The following MLLT1 variants were observed in gnomAD, a reference collection of about 807,000 sequenced individuals.
MLLT1 encodes the protein MLLT1 super elongation complex subunit.
In MLLT1, 11 loss-of-function variants were observed where a neutral mutation model predicts 55.1. That is an observed-to-expected ratio of 0.20 (90% CI 0.13 to 0.33). MLLT1 has a LOEUF of 0.33. MLLT1 is among the 10% of genes least tolerant of loss of function. The probability of loss-of-function intolerance (pLI) is 1.00; values close to 1 mark genes in which losing one functional copy is unlikely to be tolerated. For missense variants in MLLT1, 536 were observed against 760.6 expected, an observed-to-expected ratio of 0.70 and a Z score of 3.47; for synonymous variants, 323 against 320.1, an observed-to-expected ratio of 1.01 and a Z score of -0.10.
At chr19:6,259,820 A>AAAAAAAAAAAC (rs2091288581) in intron 3 of MLLT1, 1 of 150,612 alleles carries the variant, frequency 6.6e-6, no homozygotes, top group Non-Finnish European at 1.5e-5. Context: ...AAAAAAAAAA[A>AAAAAAAAAAAC]CAGAAAAACT....
At chr19:6,245,183 A>T (rs555626688) in intron 3 of MLLT1, among the ~76,000 whole-genome samples, 60 of 151,894 alleles carry the variant, frequency 4.0e-4, no homozygotes, top group Admixed American at 5.2e-4. Context: ...ACAAAAAAAA[A>T]TTTTTTTAAA....
intron 2 of MLLT1, among the ~76,000 whole-genome samples, chr19:6,268,392 AAAT>A (rs931915762): frequency 1.9e-4 from 26 of 137,894 alleles, no homozygotes; most frequent in Admixed American, 2.1e-4. Flanking sequence ...AAAAATCAAG[AAAT>A]AAGAAGCAAA....
chr19:6,214,981 T>G (rs978777813), intron 8 of MLLT1, among the ~76,000 whole-genome samples: 2 of 152,034 alleles, frequency 1.3e-5, no homozygotes, highest in Non-Finnish European at 2.9e-5. Context: ...GCCTCCCGGC[T>G]CTGGCAGCTC....
rs903181286 is a variant in MLLT1, at chr19:6,240,706, A to G, written c.277-9993T>C. 3.3e-5 allele frequency among the ~76,000 whole-genome samples: 5 copies of G among 152,092 alleles called. No individual in the cohort carries two copies. The highest frequency in any genetic ancestry group is 7.4e-5 in the Non-Finnish European group (5 of 68,000). On this transcript the variant is annotated intron_variant, in intron 3 of 11. Coordinates refer to ENST00000252674, the MANE Select transcript of MLLT1 (RefSeq NM_005934.4). The surrounding 1 kb of genome is among the most constrained non-coding windows in gnomAD (Gnocchi z 4.7). ...CAGGGAGAGACTGGACCCCACACTC[A>G]GCTACGAACCTCCCGAGACAGCAGG...
At chr19:6,271,185 T>A (rs934737879) in intron 1 of MLLT1, among the ~76,000 whole-genome samples, 2 of 151,986 alleles carry the variant, frequency 1.3e-5, no homozygotes, top group African/African-American at 2.4e-5. Context: ...TCCAAAAGCA[T>A]CCACCACCGC....
At chr19:6,263,548 C>T (rs2091322552) in intron 2 of MLLT1, 1 of 152,384 alleles carries the variant, frequency 6.6e-6, no homozygotes, top group African/African-American at 2.4e-5. Context: ...GTGACGGGTA[C>T]TCCAAGCCTG....
Position 6,213,787 on chromosome 19 carries a change from C to A in MLLT1, c.1418G>T (p.Arg473Leu). 6.2e-7 allele frequency: 1 copy of A among 1,613,586 alleles called. No individual in the cohort carries two copies. The highest frequency in any genetic ancestry group is 2.2e-5 in the East Asian group (1 of 44,840). The change falls in exon 10 of 12, where the codon CGG (arginine) becomes CTG (leucine). Residue 473 changes from arginine to leucine, a missense_variant. Arg to Leu is a moderately radical substitution (Grantham distance 102, BLOSUM62 -2). This residue lies in a region of MLLT1 where 449 missense variants were observed against 489.0 expected (regional missense o/e 0.92). Transcript: ENST00000252674. ...CTTGCTGCAGGACTCGGGGCTCCTC[C>A]GGCCTGACACCTGCAGGGAACCCAG... is the stretch of plus-strand genomic sequence containing the variant. Reference protein sequence around the residue: ...PPPPNSKVSGRRSPESCSKPE... With the variant: ...PPPPNSKVSGLRSPESCSKPE...
At chr19:6,223,863 C>T in intron 5 of MLLT1, among the ~76,000 whole-genome samples, 1 of 152,176 alleles carries the variant, frequency 6.6e-6, no homozygotes, top group East Asian at 1.9e-4. Flanking sequence ...TCCACCCTTG[C>T]TAGGAAAGGA....
chr19:6,265,041 AAAAAAAACAAAAAAAC>A (rs1273715738), intron 2 of MLLT1, among the ~76,000 whole-genome samples: 1 of 51,654 alleles, frequency 1.9e-5, no homozygotes, highest in African/African-American at 5.1e-5. Flanking sequence ...TGAACAGCAA[AAAAAAAACAAAAAAAC>A]AAAAAAACAA....
At chr19:6,214,118 CCGCACGG>C in intron 8 of MLLT1, 80 bp from the exon 9 acceptor site, 1 of 899,418 alleles carries the variant, frequency 1.1e-6, no homozygotes, top group Non-Finnish European at 1.5e-6. Flanking sequence ...AGCCTCTGCC[CCGCACGG>C]AGTCGGTGCC....
chr19:6,218,149 C>T lies in MLLT1; in HGVS notation c.1111-108G>A, dbSNP rs374492101. 1.0e-4 allele frequency: 147 copies of T among 1,461,744 alleles called. 4 individuals are homozygous for T. Among genetic ancestry groups the T allele is most frequent in the East Asian group, 5.4e-4 (21 of 38,852 alleles). 90.5% of individuals were successfully genotyped at this position (1,461,744 alleles called of 1,614,324 possible). A position where few individuals can be genotyped will look rare whatever the true frequency, so the allele number is the denominator to read the frequency against. On this transcript the variant is annotated intron_variant, in intron 6 of 11. Transcript: ENST00000252674. ...AGCAGCTACGCTGAGTGGGTCTCCC[C>T]CAGACACCCCTAGGGTCCCAAGGGT...
At chr19:6,272,746 T>C (rs922949543) in intron 1 of MLLT1, among the ~76,000 whole-genome samples, 1 of 152,030 alleles carries the variant, frequency 6.6e-6, no homozygotes, top group Non-Finnish European at 1.5e-5. Context: ...GGTCAGGGAG[T>C]TCTAAATGCT....
rs936885021 is a variant in MLLT1, at chr19:6,231,496, C to A, written c.277-783G>T. Among the ~76,000 whole-genome samples the A allele has an allele frequency of 1.3e-5, 2 of 152,012 alleles. No individual in the cohort carries two copies. The highest frequency in any genetic ancestry group is 2.9e-5 in the Non-Finnish European group (2 of 68,018). On this transcript the variant is annotated intron_variant, in intron 3 of 11. Coordinates refer to ENST00000252674, the MANE Select transcript of MLLT1 (RefSeq NM_005934.4). The surrounding 1 kb of genome is among the most constrained non-coding windows in gnomAD (Gnocchi z 5.1). ...TGTGCAGGGGCTGTGTTTCTGTGAACCTTGAAATTTCGAAGCAAGACATTT... is the reference window on the plus strand; with the variant it reads ...TGTGCAGGGGCTGTGTTTCTGTGAAACTTGAAATTTCGAAGCAAGACATTT...
chr19:6,265,857 T>C (rs1472254346), intron 2 of MLLT1, among the ~76,000 whole-genome samples: 1 of 150,756 alleles, frequency 6.6e-6, no homozygotes, highest in African/African-American at 2.4e-5. Flanking sequence ...TGGGGGCTTG[T>C]AGTCCTAGCT....
intron 3 of MLLT1, among the ~76,000 whole-genome samples, chr19:6,241,787 A>T (rs2091115235): frequency 6.6e-6 from 1 of 152,232 alleles, no homozygotes; most frequent in African/African-American, 2.4e-5. Context: ...ACTGCGCCAC[A>T]GCTGGCACGC....
chr19:6,232,944 G>C (rs79936685), intron 3 of MLLT1, among the ~76,000 whole-genome samples: 2,705 of 152,282 alleles, frequency 0.018, 37 homozygotes, highest in Middle Eastern at 0.051. Context: ...CTGAGTTGGG[G>C]AACACTGCTG....
chr19:6,230,217 AG>A lies in MLLT1; in HGVS notation c.420+352del, dbSNP rs1255433420. ...CAGAGGTGATGGCGATGCGCACGGC[AG>A]GGGCCCTGTGCGGAGGCCCTGCCCA... On this transcript the variant is annotated intron_variant, in intron 4 of 11. Coordinates refer to ENST00000252674, the MANE Select transcript of MLLT1 (RefSeq NM_005934.4). This position sits in a 1 kb window ranked among gnomAD's most constrained non-coding sequence, Gnocchi z 9.0. Among the ~76,000 whole-genome samples, 1 of 152,172 alleles carries A rather than the reference AG, an allele frequency of 6.6e-6. No individual in the cohort carries two copies. The highest frequency in any genetic ancestry group is 1.5e-5 in the Non-Finnish European group (1 of 68,010).
In MLLT1 at chr19:6,213,992, G is replaced by A. The variant is rs2090810244; in HGVS notation, c.1354C>T (p.Leu452=). The A allele has an allele frequency of 6.8e-7, 1 of 1,460,778 alleles. No homozygotes were observed. The highest frequency in any genetic ancestry group is 9.0e-7 in the Non-Finnish European group (1 of 1,108,236). 90.5% of individuals were successfully genotyped at this position (1,460,778 alleles called of 1,614,324 possible). A position where few individuals can be genotyped will look rare whatever the true frequency, so the allele number is the denominator to read the frequency against. Residue 452 remains leucine (L), a synonymous_variant, in exon 9 of 12, where the codon CTG becomes TTG. Transcript: ENST00000252674. ...SESDNSADSS[L]PSREPPPPQK... is the part of the protein sequence containing the mutation. ...GGGGGTGGGGGCTCACGGCTGGGCAGGGAGGAGTCGGCGCTGTTGTCACTC... is the reference window on the plus strand; with the variant it reads ...GGGGGTGGGGGCTCACGGCTGGGCAAGGAGGAGTCGGCGCTGTTGTCACTC...
At chr19:6,246,513 G>A (rs898707974) in intron 3 of MLLT1, among the ~76,000 whole-genome samples, 12 of 152,190 alleles carry the variant, frequency 7.9e-5, no homozygotes, top group African/African-American at 2.7e-4. Context: ...AGTGCGCTTT[G>A]CTAAGTGAAA....
Sources: allele counts gnomAD v4.1 joint callset (sites outside exome capture counted in the v4.1 genomes callset), GRCh38; gene constraint gnomAD v4.1.1; regional missense constraint gnomAD v4.1.1; non-coding constraint Gnocchi (gnomAD v3.1); transcripts MANE v1.5; gene names NCBI Gene and HGNC (gene_info 2026-07-23, HGNC 2026-07-21).